Variants in CCBE1 observed in about 807,000 individuals in gnomAD.
CCBE1 encodes the protein collagen and calcium-binding EGF domain-containing protein 1.
CCBE1 carries 37 observed loss-of-function variants against 50.0 expected under a neutral mutation model. The observed-to-expected ratio is 0.74, with a 90% confidence interval of 0.57 to 0.97. CCBE1 has a LOEUF of 0.97. CCBE1 is among the 50% of genes least tolerant of loss of function. The pLI is 0.00. For missense variants in CCBE1, 538 were observed against 523.8 expected (o/e 1.03, Z -0.26); for synonymous variants, 234 against 203.7 (o/e 1.15, Z -1.27).
intron 2 of CCBE1, among the ~76,000 whole-genome samples, chr18:59,541,817 T>C (rs1915476947): frequency 6.6e-6 from 1 of 152,050 alleles, no homozygotes; most frequent in Admixed American, 6.5e-5. Context: ...TTCCAGCTGC[T>C]ATCACCAAGC....
At chr18:59,521,538 C>T (rs1914600789) in intron 2 of CCBE1, among the ~76,000 whole-genome samples, 1 of 152,160 alleles carries the variant, frequency 6.6e-6, no homozygotes, top group South Asian at 2.1e-4. Context: ...TCCAAGGCCT[C>T]TTCTGTGGAG....
In CCBE1 at chr18:59,523,280, T is replaced by C. The variant is rs569429154; in HGVS notation, c.213-43042A>G. 6.6e-5 allele frequency among the ~76,000 whole-genome samples: 10 copies of C among 151,576 alleles called. No homozygotes were observed. The South Asian group carries it at 2.1e-3, about 32-fold the overall frequency. On this transcript the variant is annotated intron_variant, in intron 2 of 10. Transcript: ENST00000439986. The stretch of plus-strand genomic sequence containing the variant: ...TACATTTCCAGCTTAGAGACAATGG[T>C]TGGGCAGAGCCCAGTGGTGGGCAAG...
chr18:59,561,397 G>A (rs1355656986), intron 2 of CCBE1, among the ~76,000 whole-genome samples: 5 of 152,190 alleles, frequency 3.3e-5, no homozygotes, highest in Non-Finnish European at 7.3e-5. Context: ...CCTCAGCCTA[G>A]GGGGTGGAGT....
chr18:59,514,477 T>C (rs1052963833), intron 2 of CCBE1, among the ~76,000 whole-genome samples: 6 of 152,144 alleles, frequency 3.9e-5, no homozygotes, highest in African/African-American at 1.4e-4. Context: ...CAAGCTAGTC[T>C]GACTTGGAAA....
intron 2 of CCBE1, among the ~76,000 whole-genome samples, chr18:59,505,684 A>G (rs1913838360): frequency 6.6e-6 from 1 of 152,254 alleles, no homozygotes; most frequent in South Asian, 2.1e-4. Context: ...CATTTAGTAT[A>G]AAAGATAAAT....
At chr18:59,577,739 T>G (rs1482288236) in intron 2 of CCBE1, among the ~76,000 whole-genome samples, 1 of 152,094 alleles carries the variant, frequency 6.6e-6, no homozygotes, top group Non-Finnish European at 1.5e-5. Flanking sequence ...TAGAGAAAAA[T>G]AAATCAATAA....
In CCBE1 at chr18:59,591,245, CAAAAAAAAAAAAAAAAAAAAAAA is replaced by C. The variant is rs58325003; in HGVS notation, c.212+105361_212+105383del. Among the ~76,000 whole-genome samples, 12 of 2,112 alleles carry C rather than the reference CAAAAAAAAAAAAAAAAAAAAAAA, an allele frequency of 5.7e-3. 2 individuals carry two copies. Among genetic ancestry groups the C allele is most frequent in the South Asian group, 0.024 (3 of 124 alleles). The allele number at this position is 2,112 out of a possible 152,430, so 1.4% of individuals were successfully genotyped here. On this transcript the variant is annotated intron_variant, in intron 2 of 10. Coordinates refer to ENST00000439986, the MANE Select transcript of CCBE1 (RefSeq NM_133459.4). Reference sequence around the variant, plus strand: ...TGGGCCACAGAGCGAGACTCCGTCTCAAAAAAAAAAAAAAAAAAAAAAAAAAAAAAAAAAAAAAAAAAAAGCTG... The same window carrying C: ...TGGGCCACAGAGCGAGACTCCGTCTCAAAAAAAAAAAAAAAAAAAAAGCTG...
chr18:59,690,006 A>C (rs573541013), intron 2 of CCBE1, among the ~76,000 whole-genome samples: 64 of 152,176 alleles, frequency 4.2e-4, no homozygotes, highest in Non-Finnish European at 8.8e-4. Context: ...AATCAAATGT[A>C]TGTCCAAAAC....
intron 2 of CCBE1, among the ~76,000 whole-genome samples, chr18:59,647,104 A>G (rs1028155617): frequency 2.0e-5 from 3 of 152,198 alleles, no homozygotes; most frequent in Non-Finnish European, 4.4e-5. Context: ...CACTCAAGAA[A>G]ATCTTAGTAA....
chr18:59,513,417 G>A (rs1914223571), intron 2 of CCBE1, among the ~76,000 whole-genome samples: 1 of 152,254 alleles, frequency 6.6e-6, no homozygotes, highest in Admixed American at 6.5e-5. Flanking sequence ...AGGTACTGAG[G>A]TGTCTCTCTT....
At chr18:59,505,151 TC>T (rs1913811485) in intron 2 of CCBE1, among the ~76,000 whole-genome samples, 1 of 152,132 alleles carries the variant, frequency 6.6e-6, no homozygotes, top group Admixed American at 6.5e-5. Flanking sequence ...ATTTGAAAGC[TC>T]CCCAGTGGGG....
chr18:59,436,901 G>A (rs1910183268), intron 10 of CCBE1, among the ~76,000 whole-genome samples: 3 of 152,178 alleles, frequency 2.0e-5, no homozygotes, highest in Admixed American at 2.0e-4. Flanking sequence ...GAGCCCAAGA[G>A]GTCGAGGCTG....
intron 2 of CCBE1, among the ~76,000 whole-genome samples, chr18:59,654,751 C>T (rs1392065381): frequency 3.4e-5 from 5 of 145,190 alleles, no homozygotes; most frequent in Admixed American, 7.1e-5. Flanking sequence ...AAGATCGTGC[C>T]ACTGCGCTCC....
chr18:59,538,978 G>A (rs992009513), intron 2 of CCBE1, among the ~76,000 whole-genome samples: 1 of 152,110 alleles, frequency 6.6e-6, no homozygotes, highest in Admixed American at 6.5e-5. Context: ...AGGAGTTTGA[G>A]ACCAGCCTGG....
At chr18:59,442,224 T>A (rs1910463996) in intron 7 of CCBE1, among the ~76,000 whole-genome samples, 1 of 152,150 alleles carries the variant, frequency 6.6e-6, no homozygotes, top group African/African-American at 2.4e-5. Context: ...GTCTCAGTGC[T>A]GTGTCGATAC....
intron 2 of CCBE1, among the ~76,000 whole-genome samples, chr18:59,576,239 G>C (rs1258823661): frequency 6.6e-6 from 1 of 152,194 alleles, no homozygotes; most frequent in African/African-American, 2.4e-5. Flanking sequence ...TTGCATACAA[G>C]TTTTGTGAGT....
chr18:59,661,307 T>C (rs1272504816), intron 2 of CCBE1, among the ~76,000 whole-genome samples: 1 of 152,242 alleles, frequency 6.6e-6, no homozygotes, highest in African/African-American at 2.4e-5. Flanking sequence ...CACATGCATT[T>C]GGTCTGGGGG....
chr18:59,670,302 AT>A (rs2054414711), intron 2 of CCBE1, among the ~76,000 whole-genome samples: 1 of 152,182 alleles, frequency 6.6e-6, no homozygotes, highest in South Asian at 2.1e-4. Context: ...TCTTGCAGGA[AT>A]GATTTGGGGA....
intron 2 of CCBE1, among the ~76,000 whole-genome samples, chr18:59,629,801 TC>T (rs1349939020): frequency 1.3e-5 from 2 of 152,052 alleles, no homozygotes; most frequent in African/African-American, 2.4e-5. Flanking sequence ...CAACAGCTTG[TC>T]GGGGGAAGGT....
Sources: allele counts gnomAD v4.1 joint callset (sites outside exome capture counted in the v4.1 genomes callset), GRCh38; gene constraint gnomAD v4.1.1; transcripts MANE v1.5; gene names NCBI Gene and HGNC (gene_info 2026-07-23, HGNC 2026-07-21).